Variants in CYP26B1 observed in about 807,000 individuals in gnomAD.
CYP26B1 encodes cytochrome P450 family 26 subfamily B member 1.
In CYP26B1, 8 loss-of-function variants were observed where a neutral mutation model predicts 39.1. The observed-to-expected ratio is 0.20, with a 90% CI of 0.12 to 0.37. The LOEUF (loss-of-function observed/expected upper bound fraction) is 0.37. Among genes scored for constraint, CYP26B1 ranks in the 10% least tolerant of loss-of-function variants. CYP26B1 has a pLI of 1.00. For missense variants in CYP26B1, 615 were observed against 707.0 expected, an observed-to-expected ratio of 0.87 and a Z score of 1.48; for synonymous variants, 321 against 314.3, an observed-to-expected ratio of 1.02 and a Z score of -0.23.
In CYP26B1 at chr2:72,135,318, C is replaced by T; in HGVS notation, c.531G>A (p.Glu177=). Residue 177 remains glutamate, a synonymous_variant, in exon 3 of 6, where the codon GAG becomes GAA. Transcript: ENST00000001146. The part of the protein sequence containing the change: ...DTLRAWSSHP[E]AINVYQEAQK... ...GCGCCTCCTGGTACACGTTGATGGC[C>T]TCGGGGTGGCTGCTCCAGGCGCGCA... The T allele has an allele frequency of 6.2e-7, 1 of 1,614,058 alleles. No individual in the cohort carries two copies. Among genetic ancestry groups the T allele is most frequent in the South Asian group, 1.1e-5 (1 of 91,090 alleles).
At chr2:72,137,418 C>G (rs2104064173) in intron 2 of CYP26B1, among the ~76,000 whole-genome samples, 1 of 152,354 alleles carries the variant, frequency 6.6e-6, no homozygotes, top group Admixed American at 6.5e-5. Context: ...TAAACACCAG[C>G]ACCCACCTGC....
chr2:72,133,960 A>G (rs576082545), intron 4 of CYP26B1, among the ~76,000 whole-genome samples: 25 of 152,308 alleles, frequency 1.6e-4, no homozygotes, highest in African/African-American at 5.8e-4. Flanking sequence ...AGGCTATCTC[A>G]TAGCACACCC....
At chr2:72,144,612 C>T (rs1677064851) in intron 1 of CYP26B1, 2 of 533,900 alleles carry the variant, frequency 3.7e-6, no homozygotes, top group African/African-American at 4.3e-5. Flanking sequence ...GGCGAGACCC[C>T]GCGGGGTGGC....
intron 2 of CYP26B1, among the ~76,000 whole-genome samples, chr2:72,137,279 CTG>C (rs1307685369): frequency 1.3e-5 from 2 of 152,306 alleles, no homozygotes; most frequent in South Asian, 2.1e-4. Context: ...TGAGTTGTAA[CTG>C]TGCATCATCC....
rs758135535 is a variant in CYP26B1 at position 72,135,386 on chromosome 2, C to T, written c.463G>A (p.Glu155Lys). The part of the protein sequence containing the change: ...FSKIFSHEAL[E>K]SYLPKIQLVI... ...AGCTGGATCTTGGGCAGGTAACTCT[C>T]CAGGGCCTCGTGGCTGAAGATCTTG... The change falls in exon 3 of 6, where the codon GAG becomes AAG. Residue 155 changes from glutamate (E) to lysine (K), a missense_variant. Transcript: ENST00000001146. The T allele has an allele frequency of 6.2e-6, 10 of 1,613,286 alleles. No individual in the cohort carries two copies. In the Middle Eastern group the frequency reaches 4.9e-4, roughly 80 times the overall value.
chr2:72,136,301 C>A (rs1676773515), intron 2 of CYP26B1, among the ~76,000 whole-genome samples: 1 of 152,190 alleles, frequency 6.6e-6, no homozygotes, highest in African/African-American at 2.4e-5. Context: ...GCCCCCCACT[C>A]CACCCCATGC....
intron 2 of CYP26B1, chr2:72,142,910 CCTT>C (rs1381833474): frequency 6.0e-6 from 1 of 167,092 alleles, no homozygotes; most frequent in Non-Finnish European, 1.5e-5. Context: ...TTTGACCGCT[CCTT>C]CTTTTGTCTG....
chr2:72,143,380 G>T (rs1209111713), intron 2 of CYP26B1, among the ~76,000 whole-genome samples: 3 of 151,770 alleles, frequency 2.0e-5, no homozygotes, highest in Non-Finnish European at 4.4e-5. Flanking sequence ...TCGGGGGGGG[G>T]TGGGTGCGCT....
intron 2 of CYP26B1, among the ~76,000 whole-genome samples, chr2:72,143,727 A>C (rs1368508066): frequency 1.3e-5 from 2 of 152,256 alleles, no homozygotes; most frequent in Non-Finnish European, 2.9e-5. Context: ...TGGACACCCC[A>C]GACCCCGCAC....
chr2:72,142,901 T>G (rs981181982), intron 2 of CYP26B1: 4 of 166,986 alleles, frequency 2.4e-5, no homozygotes, highest in African/African-American at 9.7e-5. Flanking sequence ...TCTCCTCGGT[T>G]TGACCGCTCC....
chr2:72,137,708 G>A (rs1676818538), intron 2 of CYP26B1, among the ~76,000 whole-genome samples: 1 of 152,218 alleles, frequency 6.6e-6, no homozygotes, highest in African/African-American at 2.4e-5. Flanking sequence ...GGGCAGGCAG[G>A]AGCAGTCTAG....
chr2:72,133,632 G>A (rs1334404632), intron 4 of CYP26B1, among the ~76,000 whole-genome samples: 2 of 152,234 alleles, frequency 1.3e-5, no homozygotes, highest in Non-Finnish European at 2.9e-5. Context: ...GATATGCAGT[G>A]GGCTCACAGG....
At chr2:72,141,602 G>T (rs950022004) in intron 2 of CYP26B1, among the ~76,000 whole-genome samples, 1 of 152,226 alleles carries the variant, frequency 6.6e-6, no homozygotes, top group Non-Finnish European at 1.5e-5. Flanking sequence ...TCTAACTGCA[G>T]CATGGACCGG....
Position 72,147,590 on chromosome 2 carries a change from C to T in CYP26B1, c.204+41G>A. On this transcript the variant is annotated intron_variant, in intron 1 of 5. Coordinates refer to ENST00000001146, the MANE Select transcript of CYP26B1 (RefSeq NM_019885.4). The surrounding 1 kb of genome is among the most constrained non-coding windows in gnomAD (Gnocchi z 6.1). ...CGCTCCGTCTGCCCCGCGCTCGCAGCTAGCGGACCCCGGAGTGCAGCGGAG... is the reference window on the plus strand; with the variant it reads ...CGCTCCGTCTGCCCCGCGCTCGCAGTTAGCGGACCCCGGAGTGCAGCGGAG... The T allele has an allele frequency of 1.3e-6, 2 of 1,572,094 alleles. No individual in the cohort carries two copies. Among genetic ancestry groups the T allele is most frequent in the Non-Finnish European group, 1.7e-6 (2 of 1,162,504 alleles).
In CYP26B1 at chr2:72,147,606, TGCAGCG is replaced by T; in HGVS notation, c.204+19_204+24del. The T allele has an allele frequency of 1.3e-6, 2 of 1,594,952 alleles. No individual in the cohort carries two copies. Among genetic ancestry groups the T allele is most frequent in the Non-Finnish European group, 1.7e-6 (2 of 1,172,824 alleles). On this transcript the variant is annotated intron_variant, in intron 1 of 5. Coordinates refer to ENST00000001146, the MANE Select transcript of CYP26B1 (RefSeq NM_019885.4). This position sits in a 1 kb window ranked among gnomAD's most constrained non-coding sequence, Gnocchi z 6.1. ...CGCTCGCAGCTAGCGGACCCCGGAGTGCAGCGGAGCGAGCGCGCCCTTACCTGCAGC... is the reference window on the plus strand; with the variant it reads ...CGCTCGCAGCTAGCGGACCCCGGAGTGAGCGAGCGCGCCCTTACCTGCAGC...
Position 72,147,503 on chromosome 2 carries a change from G to A in CYP26B1, c.204+128C>T. 1 of 956,098 alleles carries A rather than the reference G, an allele frequency of 1.0e-6. No homozygotes were observed. The highest frequency in any genetic ancestry group is 1.5e-6 in the Non-Finnish European group (1 of 688,776). 59.2% of individuals were successfully genotyped at this position (956,098 alleles called of 1,614,324 possible). On this transcript the variant is annotated intron_variant, in intron 1 of 5. Transcript: ENST00000001146. This position sits in a 1 kb window ranked among gnomAD's most constrained non-coding sequence, Gnocchi z 6.1. ...AAGCCCGGGCTGCTGCGGCAGAGAGGAGGGAAGGGGCGGGGCGGGGACCAG... is the reference window on the plus strand; with the variant it reads ...AAGCCCGGGCTGCTGCGGCAGAGAGAAGGGAAGGGGCGGGGCGGGGACCAG...
rs1248914869 is a variant in CYP26B1, at chr2:72,129,305, AT to A, written c.*2921del. 1.3e-5 allele frequency: 2 copies of A among 152,590 alleles called. No homozygotes were observed. Among genetic ancestry groups the A allele is most frequent in the Non-Finnish European group, 2.9e-5 (2 of 68,050 alleles). The allele number at this position is 152,590 out of a possible 1,614,324, so 9.5% of individuals were successfully genotyped here. A position where few individuals can be genotyped will look rare whatever the true frequency, so the allele number is the denominator to read the frequency against. On this transcript the variant is annotated 3_prime_UTR_variant, in exon 6 of 6. Transcript: ENST00000001146. ...CATTGAGTATTTCCAAAATCACAAAATGCACAACATTCATGTTTTTAATATG... is the reference window on the plus strand; with the variant it reads ...CATTGAGTATTTCCAAAATCACAAAAGCACAACATTCATGTTTTTAATATG...
chr2:72,138,291 G>T lies in CYP26B1; in HGVS notation c.430-2872C>A, dbSNP rs575227899. Among the ~76,000 whole-genome samples the T allele has an allele frequency of 5.3e-5, 8 of 152,298 alleles. No homozygotes were observed. The East Asian group carries it at 9.7e-4, about 18-fold the overall frequency. On this transcript the variant is annotated intron_variant, in intron 2 of 5. Coordinates refer to ENST00000001146, the MANE Select transcript of CYP26B1 (RefSeq NM_019885.4). ...AACACAGGCACTTCCCAAAGCCGGG[G>T]CAGCTCTGAAACCACCGCCCACCAC...
chr2:72,142,211 C>T (rs1198931903), intron 2 of CYP26B1, among the ~76,000 whole-genome samples: 1 of 152,154 alleles, frequency 6.6e-6, no homozygotes, highest in Non-Finnish European at 1.5e-5. Context: ...CCCTTCCCAG[C>T]CAACACCGGG....
Sources: allele counts gnomAD v4.1 joint callset (sites outside exome capture counted in the v4.1 genomes callset), GRCh38; gene constraint gnomAD v4.1.1; non-coding constraint Gnocchi (gnomAD v3.1); transcripts MANE v1.5; gene names NCBI Gene and HGNC (gene_info 2026-07-23, HGNC 2026-07-21).